The following FAM185A variants were observed in gnomAD, a reference collection of about 807,000 sequenced individuals.
FAM185A encodes protein FAM185A.
A neutral mutation model predicts 45.7 loss-of-function variants in FAM185A; 21 were observed. The observed-to-expected ratio is 0.46, with a 90% confidence interval of 0.33 to 0.66. The LOEUF (loss-of-function observed/expected upper bound fraction) is 0.66, where lower values mean the gene tolerates loss of function less well. FAM185A is among the 30% of genes least tolerant of loss of function. The pLI is 0.03. For missense variants in FAM185A, 305 were observed against 485.4 expected (o/e 0.63, Z 3.49); for synonymous variants, 117 against 194.0 (o/e 0.60, Z 3.30).
chr7:102,808,632 C>T lies in FAM185A; in HGVS notation c.*230C>T. 1 of 472,624 alleles carries T rather than the reference C, an allele frequency of 2.1e-6. No individual in the cohort carries two copies. The highest frequency in any genetic ancestry group is 3.8e-6 in the Non-Finnish European group (1 of 260,592). 29.3% of individuals were successfully genotyped at this position (472,624 alleles called of 1,614,324 possible). On this transcript the variant is annotated 3_prime_UTR_variant, in exon 8 of 8. Coordinates refer to ENST00000413034, the MANE Select transcript of FAM185A (RefSeq NM_001145268.2). ...AGCAGCATAAAATAATACTCATTTA[C>T]AGCTATGTCTAGGTTCTCCGCTCAG...
At chr7:102,846,615 C>CAA in the FAM185A span, among the ~76,000 whole-genome samples, 8,201 of 122,346 alleles carry the variant, frequency 0.067, 284 homozygotes, top group South Asian at 0.093. Flanking sequence ...GACTCAGTCT[C>CAA]AAAAAAAAAA....
At chr7:102,796,566 G>A (rs1796448229) in intron 7 of FAM185A, among the ~76,000 whole-genome samples, 1 of 152,216 alleles carries the variant, frequency 6.6e-6, no homozygotes, top group Non-Finnish European at 1.5e-5. Context: ...AACAAGGACA[G>A]CTTGGTGATT....
chr7:102,845,817 A>AT, the FAM185A span, among the ~76,000 whole-genome samples: 1 of 151,986 alleles, frequency 6.6e-6, no homozygotes, highest in Non-Finnish European at 1.5e-5. Context: ...TGTTAAAGTG[A>AT]TTTTTCTGAC....
chr7:102,818,889 T>C, the FAM185A span, among the ~76,000 whole-genome samples: 1 of 152,130 alleles, frequency 6.6e-6, no homozygotes, highest in African/African-American at 2.4e-5. Context: ...CACAGATCAT[T>C]CCATCACCCA....
intron 2 of FAM185A, among the ~76,000 whole-genome samples, chr7:102,757,030 A>AT: frequency 6.7e-6 from 1 of 150,140 alleles, no homozygotes; most frequent in African/African-American, 2.5e-5. Context: ...TGATGAGCCA[A>AT]TAGTAGTGTT....
intron 5 of FAM185A, among the ~76,000 whole-genome samples, chr7:102,776,713 A>AAAAAAG (rs1795091134): frequency 1.5e-5 from 2 of 137,734 alleles, no homozygotes; most frequent in Admixed American, 7.5e-5. Flanking sequence ...AAAAAAAAAA[A>AAAAAAG]AAAAAAGAAA....
intron 2 of FAM185A, chr7:102,755,632 A>G (rs768528140): frequency 1.8e-5 from 11 of 603,916 alleles, no homozygotes; most frequent in Non-Finnish European, 3.0e-5. Context: ...GATCCCATTG[A>G]GCTGACTGTT....
At chr7:102,791,038 C>T (rs1158123170) in intron 7 of FAM185A, among the ~76,000 whole-genome samples, 32 of 152,138 alleles carry the variant, frequency 2.1e-4, no homozygotes, top group Admixed American at 2.1e-3. Flanking sequence ...ACTGTGAGAA[C>T]ACAGGGGTGA....
intron 2 of FAM185A, among the ~76,000 whole-genome samples, chr7:102,757,297 T>C (rs536340367): frequency 6.6e-6 from 1 of 152,312 alleles, no homozygotes; most frequent in East Asian, 1.9e-4. Context: ...TTCTAATTGT[T>C]ACTTTAGATT....
the FAM185A span, among the ~76,000 whole-genome samples, chr7:102,849,609 C>T: frequency 6.6e-6 from 1 of 152,176 alleles, no homozygotes; most frequent in African/African-American, 2.4e-5. Flanking sequence ...TCAATTTACT[C>T]ACTTTATTTT....
intron 2 of FAM185A, among the ~76,000 whole-genome samples, chr7:102,754,412 T>C (rs1448760804): frequency 6.6e-5 from 10 of 152,228 alleles, no homozygotes; most frequent in Non-Finnish European, 1.3e-4. Context: ...ACTCCTTTCC[T>C]CACATGATCT....
intron 7 of FAM185A, among the ~76,000 whole-genome samples, chr7:102,804,975 A>C (rs1261869608): frequency 6.6e-6 from 1 of 152,240 alleles, no homozygotes; most frequent in African/African-American, 2.4e-5. Context: ...CAAAACCACA[A>C]TATGGTACCA....
chr7:102,830,951 G>A, the FAM185A span, among the ~76,000 whole-genome samples: 5 of 152,214 alleles, frequency 3.3e-5, no homozygotes, highest in African/African-American at 1.2e-4. Flanking sequence ...TTTTGTTCAC[G>A]ATTAAGAGTG....
the FAM185A span, among the ~76,000 whole-genome samples, chr7:102,841,318 A>G: frequency 1.3e-5 from 2 of 152,108 alleles, no homozygotes; most frequent in African/African-American, 4.8e-5. Flanking sequence ...GGGGCAGCTT[A>G]AAGAGTGGGA....
At chr7:102,820,637 C>A in the FAM185A span, among the ~76,000 whole-genome samples, 1 of 152,192 alleles carries the variant, frequency 6.6e-6, no homozygotes, top group African/African-American at 2.4e-5. Context: ...CAGACTACTA[C>A]AGACTGGGTA....
At chr7:102,785,922 A>G (rs1390054482) in intron 6 of FAM185A, among the ~76,000 whole-genome samples, 1 of 152,242 alleles carries the variant, frequency 6.6e-6, no homozygotes, top group Admixed American at 6.5e-5. Context: ...ATTTTTTGCA[A>G]TCTACTCTTC....
intron 6 of FAM185A, among the ~76,000 whole-genome samples, chr7:102,784,862 G>A (rs943902536): frequency 1.1e-3 from 164 of 152,276 alleles, no homozygotes; most frequent in African/African-American, 3.7e-3. Flanking sequence ...GAAATAAAGG[G>A]TATTCAATTA....
the FAM185A span, among the ~76,000 whole-genome samples, chr7:102,839,129 G>A: frequency 9.7e-4 from 148 of 152,334 alleles, 1 homozygote; most frequent in Non-Finnish European, 1.8e-3. Context: ...ATGCTGCTTT[G>A]TTATTCTTTA....
the FAM185A span, among the ~76,000 whole-genome samples, chr7:102,826,752 T>C: frequency 1.8e-5 from 2 of 114,264 alleles, no homozygotes; most frequent in African/African-American, 6.8e-5. Context: ...TATATATATA[T>C]ATATATATAT....
Sources: allele counts gnomAD v4.1 joint callset (sites outside exome capture counted in the v4.1 genomes callset), GRCh38; gene constraint gnomAD v4.1.1; transcripts MANE v1.5; gene names NCBI Gene and HGNC (gene_info 2026-07-23, HGNC 2026-07-21).